Variants in SERPINA4 observed in about 807,000 individuals in gnomAD.
The protein encoded by SERPINA4 is kallistatin.
SERPINA4 carries 24 observed loss-of-function variants against 25.4 expected under a neutral mutation model. The ratio of observed to expected loss-of-function variants is 0.95; its 90% CI spans 0.69 to 1.33. The LOEUF is 1.33. Among genes scored for constraint, SERPINA4 ranks in the 40% most tolerant of loss-of-function variants. The probability of loss-of-function intolerance (pLI) is 0.00; values close to 1 mark genes in which losing one functional copy is unlikely to be tolerated. For synonymous variants in SERPINA4, 242 were observed against 223.6 expected (o/e 1.08, Z -0.73); for missense variants, 553 against 535.8 (o/e 1.03, Z -0.32).
At position 94,561,828 on chromosome 14, in the gene SERPINA4, T is replaced by C. The variant is rs545526324; in HGVS notation, c.-18+334T>C. On this transcript the variant is annotated intron_variant, in intron 1 of 4. Transcript: ENST00000557004. ...AATCCAGGTGATCTTGGGGAGCTCA[T>C]GCCGGAGGGGAGGTGTGTCTGTGAG... 3.4e-5 allele frequency: 44 copies of C among 1,289,850 alleles called. No homozygotes were observed. In the African/African-American group the frequency reaches 6.4e-4, roughly 19 times the overall value. The allele number at this position is 1,289,850 out of a possible 1,614,324, so 79.9% of individuals were successfully genotyped here.
intron 2 of SERPINA4, among the ~76,000 whole-genome samples, 169 bp from the exon 3 acceptor site, chr14:94,566,801 C>G (rs979698738): frequency 6.6e-6 from 1 of 152,226 alleles, no homozygotes; most frequent in African/African-American, 2.4e-5. Context: ...ATCCATTCCC[C>G]AGGCATGTCA....
chr14:94,561,565 C>A lies in SERPINA4; in HGVS notation c.-18+71C>A, dbSNP rs866819086. ...GGGTGACCAACTGTTCCACTTTGCC[C>A]AAGACTGATAATTCTTCTGGGATAT... On this transcript the variant is annotated intron_variant, in intron 1 of 4. Transcript: ENST00000557004. 4.0e-6 allele frequency: 4 copies of A among 1,004,006 alleles called. No individual in the cohort carries two copies. In the African/African-American group the frequency reaches 5.0e-5, roughly 13 times the overall value. 62.2% of individuals were successfully genotyped at this position (1,004,006 alleles called of 1,614,324 possible).
intron 2 of SERPINA4, among the ~76,000 whole-genome samples, chr14:94,564,972 T>C (rs1350151758): frequency 6.6e-6 from 1 of 152,208 alleles, no homozygotes; most frequent in Non-Finnish European, 1.5e-5. Context: ...ACACAGTTGA[T>C]TTTGCAGTGT....
chr14:94,563,311 G>A, intron 1 of SERPINA4, 155 bp from the exon 2 acceptor site: 1 of 212,758 alleles, frequency 4.7e-6, no homozygotes, highest in South Asian at 1.7e-4. Flanking sequence ...CATACATGTG[G>A]AAGGTGGTGG....
At chr14:94,563,445 G>A (rs971696551) in intron 1 of SERPINA4, 21 bp from the exon 2 acceptor site, 2 of 1,573,914 alleles carry the variant, frequency 1.3e-6, no homozygotes, top group East Asian at 2.3e-5. Context: ...AATTTCCTGG[G>A]CATTCTCTTC....
rs1455075111 is a variant in SERPINA4, at chr14:94,569,297, T to C, written c.1084-98T>C. On this transcript the variant is annotated intron_variant, in intron 4 of 4. Coordinates refer to ENST00000557004, the MANE Select transcript of SERPINA4 (RefSeq NM_006215.4). ...CAAGAAATGGCCTTGCAGGCTGTTA[T>C]GTGCAATATTATTCCCTAGCAATTT... 2.8e-6 allele frequency: 3 copies of C among 1,086,684 alleles called. No individual in the cohort carries two copies. In the African/African-American group the frequency reaches 4.7e-5, roughly 17 times the overall value. The allele number at this position is 1,086,684 out of a possible 1,614,324, so 67.3% of individuals were successfully genotyped here.
rs747890790 is a variant in SERPINA4, at chr14:94,568,249, A to G, written c.1044A>G (p.Leu348=). The G allele has an allele frequency of 2.3e-5, 37 of 1,614,104 alleles. No homozygotes were observed. Among genetic ancestry groups the G allele is most frequent in the Non-Finnish European group, 3.1e-5 (36 of 1,180,042 alleles). ...FTDLFSKWAD[L]SGITKQQKLE... is the part of the protein sequence containing the mutation. ...ATCTGTTCTCCAAGTGGGCTGACTTATCCGGCATCACCAAACAGCAAAAAC... is the reference window on the plus strand; with the variant it reads ...ATCTGTTCTCCAAGTGGGCTGACTTGTCCGGCATCACCAAACAGCAAAAAC... The change falls in exon 4 of 5, where the codon TTA becomes TTG. Residue 348 remains leucine, a synonymous_variant. Coordinates refer to ENST00000557004, the MANE Select transcript of SERPINA4 (RefSeq NM_006215.4).
At chr14:94,563,377 T>A (rs1902085303) in intron 1 of SERPINA4, 89 bp from the exon 2 acceptor site, 3 of 1,376,710 alleles carry the variant, frequency 2.2e-6, no homozygotes, top group Middle Eastern at 2.7e-4. Flanking sequence ...TCACTCACGA[T>A]CTCCGGGTGC....
intron 3 of SERPINA4, 145 bp from the exon 4 acceptor site, chr14:94,567,984 G>T: frequency 1.3e-6 from 1 of 753,824 alleles, no homozygotes; most frequent in African/African-American, 1.7e-5. Flanking sequence ...TCCATTTGTG[G>T]GAGGTGGTCT....
Position 94,567,080 on chromosome 14 carries a change from T to G in SERPINA4, c.760T>G (p.Trp254Gly), listed in dbSNP as rs145621723. The stretch of plus-strand genomic sequence containing the variant: ...GATGCTGCAGGACCAGGAGCATCAC[T>G]GGTATCTTCATGACAGATACTTGCC... ...PMMLQDQEHH[W>G]YLHDRYLPCS... Residue 254 changes from tryptophan to glycine, a missense_variant, in exon 3 of 5, where the codon TGG becomes GGG. Trp to Gly is a radical substitution (Grantham distance 184, BLOSUM62 -2). Transcript: ENST00000557004. 207 of 1,614,224 alleles carry G rather than the reference T, an allele frequency of 1.3e-4. 2 individuals carry two copies. In the East Asian group the frequency reaches 4.6e-3, roughly 36 times the overall value.
In SERPINA4 at chr14:94,568,272, A is replaced by T; in HGVS notation, c.1067A>T (p.Lys356Ile). Residue 356 changes from lysine to isoleucine, a missense_variant, in exon 4 of 5, where the codon AAA becomes ATA. Coordinates refer to ENST00000557004, the MANE Select transcript of SERPINA4 (RefSeq NM_006215.4). ...ADLSGITKQQ[K>I]LEASKSFHKA... Reference sequence around the variant, plus strand: ...TTATCCGGCATCACCAAACAGCAAAAACTGGAGGCATCCAAAGTAAGTCGT... The same window carrying T: ...TTATCCGGCATCACCAAACAGCAAATACTGGAGGCATCCAAAGTAAGTCGT... 1 of 1,614,154 alleles carries T rather than the reference A, an allele frequency of 6.2e-7. No homozygotes were observed. Among genetic ancestry groups the T allele is most frequent in the Non-Finnish European group, 8.5e-7 (1 of 1,180,018 alleles).
chr14:94,568,226 C>A lies in SERPINA4; in HGVS notation c.1021C>A (p.Leu341Met). The change falls in exon 4 of 5, where the codon CTG becomes ATG. Residue 341 changes from leucine (L) to methionine (M), a missense_variant. Transcript: ENST00000557004. The part of the protein sequence containing the change: ...QILPRLGFTD[L>M]FSKWADLSGI... The stretch of plus-strand genomic sequence containing the variant: ...TTTGCCCAGGCTGGGCTTCACGGAT[C>A]TGTTCTCCAAGTGGGCTGACTTATC... 2 of 1,614,246 alleles carry A rather than the reference C, an allele frequency of 1.2e-6. No individual in the cohort carries two copies. The highest frequency in any genetic ancestry group is 1.7e-6 in the Non-Finnish European group (2 of 1,180,046).
chr14:94,566,417 C>CT (rs1902212525), intron 2 of SERPINA4, among the ~76,000 whole-genome samples: 1 of 152,224 alleles, frequency 6.6e-6, no homozygotes. Flanking sequence ...CCACTCATGA[C>CT]TTTCACTTAA....
chr14:94,561,696 A>T, intron 1 of SERPINA4: 2 of 1,289,528 alleles, frequency 1.6e-6, no homozygotes, highest in Non-Finnish European at 2.0e-6. Context: ...CTTAGGGTCC[A>T]TGGGCACTGG....
intron 4 of SERPINA4, among the ~76,000 whole-genome samples, 182 bp downstream of exon 4, chr14:94,568,470 T>C (rs1902289197): frequency 6.6e-6 from 1 of 152,156 alleles, no homozygotes. Flanking sequence ...GTGCTGGAGA[T>C]ATAGTGTTGA....
At position 94,567,079 on chromosome 14, in the gene SERPINA4, C is replaced by T. The variant is rs1327755326; in HGVS notation, c.759C>T (p.His253=). The T allele has an allele frequency of 1.9e-6, 3 of 1,614,090 alleles. No individual in the cohort carries two copies. The highest frequency in any genetic ancestry group is 2.5e-6 in the Non-Finnish European group (3 of 1,180,052). The change falls in exon 3 of 5, where the codon CAC becomes CAT. Residue 253 remains histidine, a synonymous_variant. Coordinates refer to ENST00000557004, the MANE Select transcript of SERPINA4 (RefSeq NM_006215.4). ...VPMMLQDQEH[H]WYLHDRYLPC... Reference sequence around the variant, plus strand: ...TGATGCTGCAGGACCAGGAGCATCACTGGTATCTTCATGACAGATACTTGC... The same window carrying T: ...TGATGCTGCAGGACCAGGAGCATCATTGGTATCTTCATGACAGATACTTGC...
At chr14:94,564,521 C>T (rs906534714) in intron 2 of SERPINA4, among the ~76,000 whole-genome samples, 3 of 152,198 alleles carry the variant, frequency 2.0e-5, no homozygotes, top group Non-Finnish European at 4.4e-5. Context: ...AAATGATTAA[C>T]CCATGTATAT....
At chr14:94,568,529 C>T (rs573187304) in intron 4 of SERPINA4, among the ~76,000 whole-genome samples, 6 of 152,146 alleles carry the variant, frequency 3.9e-5, no homozygotes, top group African/African-American at 7.2e-5. Flanking sequence ...AGGGACACAG[C>T]GTCTTCATAG....
Position 94,563,828 on chromosome 14 carries a change from G to C in SERPINA4, c.346G>C (p.Asp116His), listed in dbSNP as rs538199214. ...GFNLTELSES[D>H]VHRGFQHLLH... ...CAACCTCACCGAGCTGTCTGAGTCC[G>C]ATGTCCATAGGGGCTTCCAGCACCT... Residue 116 changes from aspartate (D) to histidine (H), a missense_variant, in exon 2 of 5, where the codon GAT becomes CAT. Physicochemically the swap from Asp to His is moderately conservative, Grantham distance 81. Coordinates refer to ENST00000557004, the MANE Select transcript of SERPINA4 (RefSeq NM_006215.4). 2 of 1,614,022 alleles carry C rather than the reference G, an allele frequency of 1.2e-6. No individual in the cohort carries two copies. Among genetic ancestry groups the C allele is most frequent in the Admixed American group, 1.7e-5 (1 of 59,992 alleles).
Sources: allele counts gnomAD v4.1 joint callset (sites outside exome capture counted in the v4.1 genomes callset), GRCh38; gene constraint gnomAD v4.1.1; transcripts MANE v1.5; gene names NCBI Gene and HGNC (gene_info 2026-07-23, HGNC 2026-07-21).